BMPR1B: variants seen among roughly 807,000 people sequenced by gnomAD.
BMPR1B encodes the protein bone morphogenetic protein receptor type 1B, also known as bone morphogenetic protein receptor type-1B.
BMPR1B carries 12 observed loss-of-function variants against 59.1 expected under a neutral mutation model. The ratio of observed to expected loss-of-function variants is 0.20; its 90% confidence interval spans 0.13 to 0.33. The LOEUF (loss-of-function observed/expected upper bound fraction) is 0.33. Ranked by LOEUF, BMPR1B falls within the 10% of genes least tolerant of loss-of-function variation. The probability of loss-of-function intolerance (pLI) is 1.00; values close to 1 mark genes in which losing one functional copy is unlikely to be tolerated. For synonymous variants in BMPR1B, 237 were observed against 207.3 expected, an observed-to-expected ratio of 1.14 and a Z score of -1.23; for missense variants, 550 against 610.9, an observed-to-expected ratio of 0.90 and a Z score of 1.05.
chr4:95,002,102 C>T (rs1285407533), intron 3 of BMPR1B, among the ~76,000 whole-genome samples: 1 of 152,072 alleles, frequency 6.6e-6, no homozygotes, highest in East Asian at 1.9e-4. Flanking sequence ...AGCATACTAC[C>T]CACTAGGTAG....
chr4:94,978,391 C>T (rs746509006), intron 2 of BMPR1B, among the ~76,000 whole-genome samples: 1 of 152,202 alleles, frequency 6.6e-6, no homozygotes, highest in Admixed American at 6.5e-5. Flanking sequence ...GCTGAATCAG[C>T]TAGGTGCTGT....
chr4:94,767,866 C>T (rs1468906867), intron 1 of BMPR1B, among the ~76,000 whole-genome samples: 2 of 151,996 alleles, frequency 1.3e-5, no homozygotes, highest in South Asian at 2.1e-4. Flanking sequence ...CTATATTCTT[C>T]CTCCTCAAAT....
Position 94,937,719 on chromosome 4 carries a change from G to GACACAC in BMPR1B, c.-112-58307_-112-58302dup, listed in dbSNP as rs70946570. Among the ~76,000 whole-genome samples the GACACAC allele has an allele frequency of 5.4e-5, 8 of 147,704 alleles. No homozygotes were observed. In the East Asian group the frequency reaches 8.1e-4, roughly 15 times the overall value. On this transcript the variant is annotated intron_variant, in intron 2 of 12. Coordinates refer to ENST00000515059, the MANE Select transcript of BMPR1B (RefSeq NM_001203.3). ...ATGTATATGTATAAACACACACACA[G>GACACAC]ACACACACACACACACACAGACACA... is the stretch of plus-strand genomic sequence containing the variant.
At chr4:95,118,768 G>A (rs1732256765) in intron 6 of BMPR1B, among the ~76,000 whole-genome samples, 1 of 152,152 alleles carries the variant, frequency 6.6e-6, no homozygotes, top group South Asian at 2.1e-4. Flanking sequence ...ACAGGTAATG[G>A]CAGATTAAAA....
chr4:95,056,972 T>C (rs1345771120), intron 3 of BMPR1B, among the ~76,000 whole-genome samples: 1 of 152,242 alleles, frequency 6.6e-6, no homozygotes, highest in African/African-American at 2.4e-5. Context: ...CCCTTTGATA[T>C]AATCCCTCAT....
At chr4:94,891,999 G>A (rs748690422) in intron 2 of BMPR1B, among the ~76,000 whole-genome samples, 8 of 151,958 alleles carry the variant, frequency 5.3e-5, no homozygotes, top group Admixed American at 2.0e-4. Context: ...GACATATAAA[G>A]CACTGTCTTG....
intron 2 of BMPR1B, among the ~76,000 whole-genome samples, chr4:94,962,656 G>A (rs1730416468): frequency 6.6e-6 from 1 of 152,026 alleles, no homozygotes; most frequent in Admixed American, 6.6e-5. Context: ...GAAATGACAG[G>A]TTTCATTCTT....
chr4:95,042,453 C>A (rs1440599706), intron 3 of BMPR1B, among the ~76,000 whole-genome samples: 1 of 152,086 alleles, frequency 6.6e-6, no homozygotes, highest in African/African-American at 2.4e-5. Context: ...ATAAAATTAC[C>A]TTCAGACTAT....
chr4:94,901,822 G>A (rs1205232407), intron 2 of BMPR1B, among the ~76,000 whole-genome samples: 4 of 151,952 alleles, frequency 2.6e-5, no homozygotes, highest in Non-Finnish European at 5.9e-5. Context: ...CCATAGCTAT[G>A]CATCTGCCCT....
rs576292485 is a variant in BMPR1B at position 94,976,424 on chromosome 4, T to C, written c.-112-19616T>C. On this transcript the variant is annotated intron_variant, in intron 2 of 12. Transcript: ENST00000515059. ...ACAACATGTGGAATGGGAAAAATCA[T>C]TGGGGTCATCTCAGGAAAATATAAT... is the stretch of plus-strand genomic sequence containing the variant. 5.6e-4 allele frequency among the ~76,000 whole-genome samples: 86 copies of C among 152,278 alleles called. 1 individual carries two copies. Among genetic ancestry groups the C allele is most frequent in the Non-Finnish European group, 2.5e-4 (17 of 68,022 alleles).
At chr4:94,889,037 A>C (rs1323357886) in intron 2 of BMPR1B, among the ~76,000 whole-genome samples, 2 of 151,862 alleles carry the variant, frequency 1.3e-5, no homozygotes, top group Non-Finnish European at 2.9e-5. Context: ...TCTTATTTTA[A>C]ATATATACTG....
intron 3 of BMPR1B, among the ~76,000 whole-genome samples, chr4:95,059,648 A>G (rs1260523392): frequency 2.6e-5 from 4 of 151,784 alleles, no homozygotes; most frequent in South Asian, 2.1e-4. Context: ...ACAATTTTCT[A>G]TCTTTTTTTG....
intron 6 of BMPR1B, among the ~76,000 whole-genome samples, chr4:95,116,421 G>GCGCGCGCGCGCACA: frequency 2.4e-5 from 3 of 123,198 alleles, no homozygotes; most frequent in African/African-American, 1.1e-4. Flanking sequence ...TTCAGCGCGC[G>GCGCGCGCGCGCACA]CACACACACA....
chr4:94,986,447 A>G (rs940742055), intron 2 of BMPR1B, among the ~76,000 whole-genome samples: 5 of 152,222 alleles, frequency 3.3e-5, no homozygotes, highest in Non-Finnish European at 5.9e-5. Flanking sequence ...GCTTCCATCC[A>G]TCTTAAAGTC....
At chr4:95,025,303 T>A (rs73836101) in intron 3 of BMPR1B, among the ~76,000 whole-genome samples, 1 of 152,112 alleles carries the variant, frequency 6.6e-6, no homozygotes, top group Non-Finnish European at 1.5e-5. Flanking sequence ...TTGGGAGATG[T>A]TAGGCAGTGA....
intron 3 of BMPR1B, among the ~76,000 whole-genome samples, chr4:95,070,423 A>G (rs552496450): frequency 1.3e-5 from 2 of 152,334 alleles, no homozygotes; most frequent in South Asian, 4.1e-4. Context: ...GGTGATGTTC[A>G]TCAGAGAGAA....
rs1219699280 is a variant in BMPR1B, at chr4:94,837,079, C to T, written c.-182-38752C>T. ...AGATCAGATAGTTGTAGATATGCGG[C>T]GTTATTTCTGAGGGCTCTGTTCTGT... is the stretch of plus-strand genomic sequence containing the variant. On this transcript the variant is annotated intron_variant, in intron 1 of 12. Coordinates refer to ENST00000515059, the MANE Select transcript of BMPR1B (RefSeq NM_001203.3). Among the ~76,000 whole-genome samples the T allele has an allele frequency of 2.2e-4, 32 of 142,982 alleles. 1 individual carries two copies. Among genetic ancestry groups the T allele is most frequent in the African/African-American group, 6.6e-4 (25 of 38,150 alleles). 93.8% of individuals were successfully genotyped at this position (142,982 alleles called of 152,430 possible).
intron 2 of BMPR1B, among the ~76,000 whole-genome samples, chr4:94,972,535 C>T (rs1003842352): frequency 6.6e-6 from 1 of 151,668 alleles, no homozygotes; most frequent in Non-Finnish European, 1.5e-5. Context: ...TTGTAATACT[C>T]TTATGTTTTA....
intron 1 of BMPR1B, among the ~76,000 whole-genome samples, chr4:94,822,957 T>C (rs1230245610): frequency 6.6e-6 from 1 of 152,186 alleles, no homozygotes; most frequent in African/African-American, 2.4e-5. Flanking sequence ...ATTCCTAAAA[T>C]GTGTGCCTTA....
Sources: gnomAD v4.1 joint callset for allele counts (sites outside exome capture counted in the v4.1 genomes callset) on GRCh38, gnomAD v4.1.1 for gene constraint, MANE v1.5 for transcripts, NCBI Gene and HGNC (gene_info 2026-07-23, HGNC 2026-07-21) for gene names.